Variants in KRT6C observed in about 807,000 individuals in gnomAD.
KRT6C encodes keratin 6C.
In KRT6C, 46 loss-of-function variants were observed where a neutral mutation model predicts 49.4. The ratio of observed to expected loss-of-function variants is 0.93; its 90% confidence interval spans 0.74 to 1.19. The LOEUF is 1.19. KRT6C is among the 50% of genes most tolerant of loss of function. The pLI is 0.00. For missense variants in KRT6C, 552 were observed against 737.5 expected, an observed-to-expected ratio of 0.75 and a Z score of 2.91; for synonymous variants, 236 against 297.1, an observed-to-expected ratio of 0.79 and a Z score of 2.12.
chr12:52,469,295 C>T lies in KRT6C; in HGVS notation c.1462G>A (p.Val488Ile). Residue 488 changes from valine (V) to isoleucine (I), a missense_variant and splice_region_variant, in exon 9 of 9, where the codon GTA becomes ATA. By Grantham distance (29) the Val-to-Ile change is conservative. This residue lies in a region of KRT6C where 425 missense variants were observed against 439.4 expected (regional missense o/e 0.97). Transcript: ENST00000252250. ...CCACTGGAGATGGTGGACTGTACTA[C>T]AGCTGTGGTGGGGAGGGGACAAGGA... is the stretch of plus-strand genomic sequence containing the variant. ...GEGVGQVNVS[V>I]VQSTISSGYG... The T allele has an allele frequency of 6.2e-7, 1 of 1,613,990 alleles. No individual in the cohort carries two copies. Among genetic ancestry groups the T allele is most frequent in the Non-Finnish European group, 8.5e-7 (1 of 1,179,868 alleles).
Position 52,472,133 on chromosome 12 carries a change from C to T in KRT6C, c.688G>A (p.Gly230Arg), listed in dbSNP as rs144527967. The change falls in exon 2 of 9, where the codon GGG (glycine) becomes AGG (arginine). Residue 230 changes from glycine (G) to arginine (R), a missense_variant. Physicochemically the swap from Gly to Arg is moderately radical, Grantham distance 125. Coordinates refer to ENST00000252250, the MANE Select transcript of KRT6C (RefSeq NM_173086.5). ...NLRRQLDSIV[G>R]ERGRLDSELR... is the part of the protein sequence containing the mutation. ...TCCGAGTCCAGGCGGCCCCGTTCCCCGACGATGCTGTCCAGCTGCCTCCTG... is the reference window on the plus strand; with the variant it reads ...TCCGAGTCCAGGCGGCCCCGTTCCCTGACGATGCTGTCCAGCTGCCTCCTG... The T allele has an allele frequency of 2.3e-4, 362 of 1,547,558 alleles. 7 individuals are homozygous for T. The highest frequency in any genetic ancestry group is 8.8e-4 in the Admixed American group (51 of 57,838).
In KRT6C at chr12:52,473,764, C is replaced by A. The variant is rs377008775; in HGVS notation, c.-27G>T. 2.5e-6 allele frequency: 4 copies of A among 1,614,040 alleles called. No homozygotes were observed. Among genetic ancestry groups the A allele is most frequent in the Non-Finnish European group, 3.4e-6 (4 of 1,180,040 alleles). ...GTTCCAGGAGATGAGAGGGCTGTGG[C>A]GAGCGTTGGAGGCTGGAGGCGAGAG... On this transcript the variant is annotated 5_prime_UTR_variant, in exon 1 of 9. Transcript: ENST00000252250.
rs372904532 is a variant in KRT6C at position 52,469,110 on chromosome 12, G to T, written c.1647C>A (p.Ile549=). Residue 549 remains isoleucine, a synonymous_variant, in exon 9 of 9, where the codon ATC becomes ATA. Coordinates refer to ENST00000252250, the MANE Select transcript of KRT6C (RefSeq NM_173086.5). Reference sequence around the variant, plus strand: ...TGGAGGAGGAGGTGGTGGTGTACTTGATGGTGGAACTGCCGCCTCCAACAG... The same window carrying T: ...TGGAGGAGGAGGTGGTGGTGTACTTTATGGTGGAACTGCCGCCTCCAACAG... ...LSSVGGGSST[I]KYTTTSSSSR... is the part of the protein sequence containing the mutation. 1.6e-4 allele frequency: 252 copies of T among 1,613,966 alleles called. 1 individual carries two copies. Among genetic ancestry groups the T allele is most frequent in the Non-Finnish European group, 2.0e-4 (239 of 1,179,966 alleles).
rs1357380247 is a variant in KRT6C, at chr12:52,471,715, T to C, written c.773A>G (p.Asn258Ser). The change falls in exon 3 of 9, where the codon AAC becomes AGC. Residue 258 changes from asparagine (N) to serine (S), a missense_variant. Coordinates refer to ENST00000252250, the MANE Select transcript of KRT6C (RefSeq NM_173086.5). ...DLKNKYEDEI[N>S]KRTAAENEFV... Reference sequence around the variant, plus strand: ...TTCATTCTCTGCTGCTGTGCGCTTGTTGATTTCATCCTCATATCTACAGGA... The same window carrying C: ...TTCATTCTCTGCTGCTGTGCGCTTGCTGATTTCATCCTCATATCTACAGGA... The C allele has an allele frequency of 6.2e-7, 1 of 1,613,770 alleles. No homozygotes were observed. Among genetic ancestry groups the C allele is most frequent in the Non-Finnish European group, 8.5e-7 (1 of 1,179,834 alleles).
chr12:52,470,222 C>G, intron 6 of KRT6C: 1 of 596,934 alleles, frequency 1.7e-6, no homozygotes, highest in Non-Finnish European at 2.9e-6. Flanking sequence ...TTGAGGAATA[C>G]ATCTGGATGC....
Position 52,471,144 on chromosome 12 carries a change from C to G in KRT6C, c.1065G>C (p.Trp355Cys), listed in dbSNP as rs760135381. ...AQRSRAEAES[W>C]YQTKYEELQV... is the part of the protein sequence containing the mutation. ...ACTCCCTGCTCACCTTGGTCTGGTA[C>G]CAGGACTCAGCCTCAGCCCGGCTCC... The change falls in exon 5 of 9, where the codon TGG becomes TGC. Residue 355 changes from tryptophan to cysteine, a missense_variant. Trp to Cys is a radical substitution (Grantham distance 215). This residue lies in a region of KRT6C where 425 missense variants were observed against 439.4 expected (regional missense o/e 0.97). Coordinates refer to ENST00000252250, the MANE Select transcript of KRT6C (RefSeq NM_173086.5). 6.2e-7 allele frequency: 1 copy of G among 1,614,034 alleles called. No homozygotes were observed. The highest frequency in any genetic ancestry group is 1.1e-5 in the South Asian group (1 of 91,080).
In KRT6C at chr12:52,468,994, C is replaced by A; in HGVS notation, c.*68G>T. ...TAGAGGCCAGGAGAGGATAGGCAAC[C>A]TGAGGAGACGGCTCTGCAGCCAGAG... On this transcript the variant is annotated 3_prime_UTR_variant, in exon 9 of 9. Coordinates refer to ENST00000252250, the MANE Select transcript of KRT6C (RefSeq NM_173086.5). 1 of 1,607,846 alleles carries A rather than the reference C, an allele frequency of 6.2e-7. No homozygotes were observed. The highest frequency in any genetic ancestry group is 8.5e-7 in the Non-Finnish European group (1 of 1,175,552).
At position 52,472,089 on chromosome 12, in the gene KRT6C, G is replaced by C; in HGVS notation, c.732C>G (p.Asp244Glu). 2 of 1,597,710 alleles carry C rather than the reference G, an allele frequency of 1.3e-6. No individual in the cohort carries two copies. Among genetic ancestry groups the C allele is most frequent in the Non-Finnish European group, 1.7e-6 (2 of 1,174,280 alleles). The change falls in exon 2 of 9, where the codon GAC becomes GAG. Residue 244 changes from aspartate to glutamate, a missense_variant. Coordinates refer to ENST00000252250, the MANE Select transcript of KRT6C (RefSeq NM_173086.5). Reference protein sequence around the residue: ...RLDSELRNMQDLVEDLKNKYE... With the variant: ...RLDSELRNMQELVEDLKNKYE... ...ACTTGTTCTTGAGGTCCTCCACCAG[G>C]TCCTGCATGTTTCTCAGCTCCGAGT... is the stretch of plus-strand genomic sequence containing the variant.
intron 1 of KRT6C, 95 bp downstream of exon 1, chr12:52,473,102 CT>C: frequency 7.4e-7 from 1 of 1,347,844 alleles, no homozygotes; most frequent in South Asian, 1.2e-5. Context: ...GCTGAATCCC[CT>C]TCTCCCTCCC....
intron 7 of KRT6C, 89 bp from the exon 8 acceptor site, chr12:52,469,534 C>A (rs956271420): frequency 1.3e-5 from 21 of 1,612,620 alleles, no homozygotes; most frequent in Non-Finnish European, 1.7e-5. Context: ...TGGAAGAGTC[C>A]ATGGGAAACT....
At position 52,471,794 on chromosome 12, in the gene KRT6C, C is replaced by G; in HGVS notation, c.756-62G>C. 5 of 1,592,400 alleles carry G rather than the reference C, an allele frequency of 3.1e-6. No individual in the cohort carries two copies. In the South Asian group the frequency reaches 5.5e-5, roughly 18 times the overall value. On this transcript the variant is annotated intron_variant, in intron 2 of 8. Transcript: ENST00000252250. ...TGGGTAGGATGAAACAGAAAAGCAG[C>G]TTGGGATTCAACAATTTCCTGAATG...
rs768417983 is a variant in KRT6C, at chr12:52,469,151, C to T, written c.1606G>A (p.Gly536Arg). The T allele has an allele frequency of 3.5e-5, 56 of 1,613,928 alleles. No individual in the cohort carries two copies. Among genetic ancestry groups the T allele is most frequent in the Non-Finnish European group, 4.7e-5 (55 of 1,179,910 alleles). ...CCTCCAACAGAGCTGAGGCCACCCC[C>T]AATGGCTCTGCCACTGCTGGAACTG... is the stretch of plus-strand genomic sequence containing the variant. Reference protein sequence around the residue: ...GFSSSSGRAIGGGLSSVGGGS... With the variant: ...GFSSSSGRAIRGGLSSVGGGS... Residue 536 changes from glycine to arginine, a missense_variant, in exon 9 of 9, where the codon GGG (glycine) becomes AGG (arginine). Physicochemically the swap from Gly to Arg is moderately radical, Grantham distance 125 (BLOSUM62 -2). Transcript: ENST00000252250.
At position 52,471,182 on chromosome 12, in the gene KRT6C, C is replaced by A; in HGVS notation, c.1027G>T (p.Glu343Ter). Residue 343 changes from glutamate to a stop codon, truncating the protein, a stop_gained, in exon 5 of 9, where the codon GAG becomes TAG. Coordinates refer to ENST00000252250, the MANE Select transcript of KRT6C (RefSeq NM_173086.5). LOFTEE classifies it high-confidence loss of function. ...TCAGCCCGGCTCCTCTGAGCAATCT[C>A]CTCGTATTGGGCCTTGACCTCAGCG... ...IIAEVKAQYEEIAQRSRAEAE... is the reference protein window; with the variant it reads ...IIAEVKAQYE 1 of 1,614,192 alleles carries A rather than the reference C, an allele frequency of 6.2e-7. No homozygotes were observed. The highest frequency in any genetic ancestry group is 1.7e-5 in the Admixed American group (1 of 60,026).
Position 52,468,716 on chromosome 12 carries a change from A to G in KRT6C, c.*346T>C. On this transcript the variant is annotated 3_prime_UTR_variant, in exon 9 of 9. Transcript: ENST00000252250. ...TGGAAGTTGTTCTGAAATAAGCCCCAGGCGATTTTCAGTAATGAAAAGGAA... is the reference window on the plus strand; with the variant it reads ...TGGAAGTTGTTCTGAAATAAGCCCCGGGCGATTTTCAGTAATGAAAAGGAA... The G allele has an allele frequency of 3.1e-6, 1 of 319,706 alleles. No homozygotes were observed. The allele number at this position is 319,706 out of a possible 1,614,324, so 19.8% of individuals were successfully genotyped here.
In KRT6C at chr12:52,471,446, T is replaced by C; in HGVS notation, c.887A>G (p.Asn296Ser). ...AKADTLTDEI[N>S]FLRALYDAEL... is the part of the protein sequence containing the mutation. ...TGCATCATACAAGGCTCTCAGGAAG[T>C]TGATCTCATCTGTGAGAGTGTCTGC... Residue 296 changes from asparagine to serine, a missense_variant, in exon 4 of 9, where the codon AAC becomes AGC. By Grantham distance (46) the Asn-to-Ser change is conservative. This residue lies in a region of KRT6C where 425 missense variants were observed against 439.4 expected (regional missense o/e 0.97). Transcript: ENST00000252250. 6.2e-7 allele frequency: 1 copy of C among 1,613,918 alleles called. No individual in the cohort carries two copies. The highest frequency in any genetic ancestry group is 8.5e-7 in the Non-Finnish European group (1 of 1,179,878).
In KRT6C at chr12:52,473,757, G is replaced by A; in HGVS notation, c.-20C>T. ...GGCCATGGTTCCAGGAGATGAGAGG[G>A]CTGTGGCGAGCGTTGGAGGCTGGAG... On this transcript the variant is annotated 5_prime_UTR_variant, in exon 1 of 9. Transcript: ENST00000252250. 4.3e-6 allele frequency: 7 copies of A among 1,614,150 alleles called. No homozygotes were observed. Among genetic ancestry groups the A allele is most frequent in the Non-Finnish European group, 5.9e-6 (7 of 1,180,050 alleles).
chr12:52,471,958 T>C, intron 2 of KRT6C, 108 bp downstream of exon 2: 1 of 1,178,814 alleles, frequency 8.5e-7, no homozygotes, highest in East Asian at 2.6e-5. Context: ...TAGGGACTAA[T>C]TTGTGCTTTT....
Position 52,469,137 on chromosome 12 carries a change from G to A in KRT6C, c.1620C>T (p.Ser540=), listed in dbSNP as rs758869829. The A allele has an allele frequency of 6.2e-7, 1 of 1,614,042 alleles. No individual in the cohort carries two copies. ...TGGTGGAACTGCCGCCTCCAACAGA[G>A]CTGAGGCCACCCCCAATGGCTCTGC... ...SSGRAIGGGL[S]SVGGGSSTIK... Residue 540 remains serine (S), a synonymous_variant, in exon 9 of 9, where the codon AGC becomes AGT. Coordinates refer to ENST00000252250, the MANE Select transcript of KRT6C (RefSeq NM_173086.5).
chr12:52,470,034 A>G (rs1435033759), intron 6 of KRT6C, 144 bp from the exon 7 acceptor site: 4 of 996,146 alleles, frequency 4.0e-6, no homozygotes, highest in Non-Finnish European at 4.6e-6. Context: ...TCCATTTGGC[A>G]ATATTTGTCT....
Sources: allele counts gnomAD v4.1 joint callset, GRCh38; gene constraint gnomAD v4.1.1; regional missense constraint gnomAD v4.1.1; transcripts MANE v1.5; gene names NCBI Gene and HGNC (gene_info 2026-07-23, HGNC 2026-07-21).